The following CHRNE variants were observed in gnomAD, a reference collection of about 807,000 sequenced individuals.
CHRNE encodes the protein acetylcholine receptor subunit epsilon.
Under a neutral mutation model 56.5 loss-of-function variants are expected in CHRNE, and 58 were observed. That is an observed-to-expected ratio of 1.03 (90% confidence interval 0.83 to 1.28). The LOEUF is 1.28. Among genes scored for constraint, CHRNE ranks in the 50% most tolerant of loss-of-function variants. The probability of loss-of-function intolerance (pLI) is 0.00; values close to 1 mark genes in which losing one functional copy is unlikely to be tolerated. For synonymous variants in CHRNE, 385 were observed against 297.9 expected, an observed-to-expected ratio of 1.29 and a Z score of -3.01; for missense variants, 793 against 688.9, an observed-to-expected ratio of 1.15 and a Z score of -1.69.
At chr17:4,903,114 G>A, upstream of CHRNE, 1 of 1,596,030 alleles carries the variant, frequency 6.3e-7, no homozygotes, top group South Asian at 1.1e-5. Context: ...GCTTGGAGGG[G>A]GCATGCCAGG....
chr17:4,899,298 C>A lies in CHRNE; in HGVS notation c.1119G>T (p.Ser373=), dbSNP rs372862723. 1.3e-3 allele frequency: 2,058 copies of A among 1,593,450 alleles called. 48 individuals carry two copies. The South Asian group carries it at 0.022, about 17-fold the overall frequency. ...PRAASPPRRA[S]SVGLLLRAEE... is the part of the protein sequence containing the mutation. ...CCGCGCGGAGCAATAAGCCCACCGA[C>A]GACGCCCGCCTTGGGGGCGAGGCGG... Residue 373 remains serine (S), a synonymous_variant, in exon 10 of 12, where the codon TCG becomes TCT. Transcript: ENST00000649488.
chr17:4,899,469 T>C lies in CHRNE; in HGVS notation c.1031A>G (p.His344Arg), dbSNP rs756571784. The change falls in exon 9 of 12, where the codon CAC becomes CGC. Residue 344 changes from histidine (H) to arginine (R), a missense_variant and splice_region_variant. By Grantham distance (29) the His-to-Arg change is conservative. Transcript: ENST00000649488. ...TTHAMSPRLR[H>R]VLLELLPRLL... Reference sequence around the variant, plus strand: ...CTGCACCGCCCCCTCCGCGCTTACGTGGCGCAGCCGCGGGGACATGGCGTG... The same window carrying C: ...CTGCACCGCCCCCTCCGCGCTTACGCGGCGCAGCCGCGGGGACATGGCGTG... The C allele has an allele frequency of 1.5e-5, 24 of 1,588,586 alleles. No homozygotes were observed. The South Asian group carries it at 2.4e-4, about 16-fold the overall frequency.
intron 9 of CHRNE, 26 bp from the exon 10 acceptor site, chr17:4,899,410 A>G (rs1311303260): frequency 6.5e-7 from 1 of 1,539,512 alleles, no homozygotes; most frequent in Non-Finnish European, 8.7e-7. Flanking sequence ...GGCTTAGGGG[A>G]CGAGGTTAGT....
At chr17:4,907,940 G>T (rs1970111929), upstream of CHRNE, among the ~76,000 whole-genome samples, 1 of 152,110 alleles carries the variant, frequency 6.6e-6, no homozygotes, top group Non-Finnish European at 1.5e-5. Context: ...ACTTTGGGAG[G>T]CCGAGGCGGG....
At chr17:4,903,976 A>C (rs2661696), upstream of CHRNE, among the ~76,000 whole-genome samples, 1 of 152,152 alleles carries the variant, frequency 6.6e-6, no homozygotes, top group South Asian at 2.1e-4. Flanking sequence ...TCCTGCCTCA[A>C]CCTCTGGAGT....
At position 4,898,088 on chromosome 17, in the gene CHRNE, TC is replaced by T. The variant is rs1451371682; in HGVS notation, c.*647del. The T allele has an allele frequency of 1.3e-5, 2 of 150,604 alleles. No individual in the cohort carries two copies. Among genetic ancestry groups the T allele is most frequent in the Admixed American group, 1.3e-4 (2 of 15,636 alleles). 9.3% of individuals were successfully genotyped at this position (150,604 alleles called of 1,614,324 possible). Reference sequence around the variant, plus strand: ...GCAGGCCGCATGTCCTTGCTTTCTGTCAGTACTGTAGACTAGGCAGAGAGAG... The same window carrying T: ...GCAGGCCGCATGTCCTTGCTTTCTGTAGTACTGTAGACTAGGCAGAGAGAG... On this transcript the variant is annotated 3_prime_UTR_variant, in exon 12 of 12. Coordinates refer to ENST00000649488, the MANE Select transcript of CHRNE (RefSeq NM_000080.4).
Position 4,899,491 on chromosome 17 carries a change from C to G in CHRNE, c.1009G>C (p.Ala337Pro). Residue 337 changes from alanine (A) to proline (P), a missense_variant, in exon 9 of 12, where the codon GCC becomes CCC. Coordinates refer to ENST00000649488, the MANE Select transcript of CHRNE (RefSeq NM_000080.4). ...ACGTGGCGCAGCCGCGGGGACATGG[C>G]GTGGGTGGTGGGCGTCCGCTGGGAC... Reference protein sequence around the residue: ...NVSQRTPTTHAMSPRLRHVLL... With the variant: ...NVSQRTPTTHPMSPRLRHVLL... The G allele has an allele frequency of 6.2e-7, 1 of 1,600,836 alleles. No homozygotes were observed. Among genetic ancestry groups the G allele is most frequent in the South Asian group, 1.1e-5 (1 of 88,440 alleles).
upstream of CHRNE, among the ~76,000 whole-genome samples, chr17:4,907,335 G>A (rs879610845): frequency 5.9e-5 from 9 of 151,848 alleles, no homozygotes; most frequent in Non-Finnish European, 1.0e-4. Context: ...AGGCCGAGGC[G>A]GGCGGATCAC....
intron 8 of CHRNE, 71 bp downstream of exon 8, chr17:4,900,722 G>T: frequency 6.6e-7 from 1 of 1,507,564 alleles, no homozygotes; most frequent in South Asian, 1.2e-5. Flanking sequence ...AGCTTTTCCC[G>T]GGGTCTCTGG....
chr17:4,898,719 A>C lies in CHRNE; in HGVS notation c.*17T>G. 6.2e-7 allele frequency: 1 copy of C among 1,606,696 alleles called. No individual in the cohort carries two copies. Among genetic ancestry groups the C allele is most frequent in the Non-Finnish European group, 8.5e-7 (1 of 1,177,094 alleles). On this transcript the variant is annotated 3_prime_UTR_variant, in exon 12 of 12. Transcript: ENST00000649488. ...ATTTCCTACTGGAGATGGGTGGGAA[A>C]TTGAAGTCGGTGCGAGCTAAGGCTG...
chr17:4,899,157 GCA>G, intron 10 of CHRNE, 39 bp downstream of exon 10: 1 of 1,593,014 alleles, frequency 6.3e-7, no homozygotes, highest in Non-Finnish European at 8.5e-7. Flanking sequence ...CCCCTGGCAG[GCA>G]CCCCGCGCGG....
chr17:4,906,451 T>C (rs1970093520), upstream of CHRNE, among the ~76,000 whole-genome samples: 1 of 152,156 alleles, frequency 6.6e-6, no homozygotes, highest in Non-Finnish European at 1.5e-5. Flanking sequence ...CCCAGCAGGA[T>C]TCAAACTTGA....
At chr17:4,899,610 C>G (rs1037699104) in intron 8 of CHRNE, 28 bp from the exon 9 acceptor site, 1 of 1,515,618 alleles carries the variant, frequency 6.6e-7, no homozygotes, top group African/African-American at 1.4e-5. Context: ...CATGACATCA[C>G]CGTTCCTCCT....
intron 8 of CHRNE, 129 bp from the exon 9 acceptor site, chr17:4,899,711 G>T: frequency 6.6e-7 from 1 of 1,515,550 alleles, no homozygotes; most frequent in Non-Finnish European, 9.0e-7. Flanking sequence ...CCCCCTACAC[G>T]ACGACAGACG....
intron 5 of CHRNE, 124 bp downstream of exon 5, chr17:4,901,808 G>T: frequency 7.0e-7 from 1 of 1,430,790 alleles, no homozygotes; most frequent in Non-Finnish European, 9.8e-7. Flanking sequence ...CCCACCCAGT[G>T]CCTACGCCTG....
rs1386033276 is a variant in CHRNE at position 4,899,587 on chromosome 17, G to A, written c.918-5C>T. ...ACCATGACGAAAATAAGGAACCTGA[G>A]GAGCCCGGAAGGCATGACATCACCG... On this transcript the variant is annotated splice_polypyrimidine_tract_variant and splice_region_variant and intron_variant, in intron 8 of 11. Transcript: ENST00000649488. The A allele has an allele frequency of 6.4e-7, 1 of 1,569,654 alleles. No individual in the cohort carries two copies. The highest frequency in any genetic ancestry group is 1.2e-5 in the South Asian group (1 of 85,542).
chr17:4,901,450 G>A (rs1294643620), intron 6 of CHRNE, 75 bp downstream of exon 6: 4 of 1,405,978 alleles, frequency 2.8e-6, no homozygotes, highest in South Asian at 2.3e-5. Context: ...GTTGGTCCGG[G>A]GCAAGCCCAC....
chr17:4,904,575 C>T (rs1487782097), upstream of CHRNE, among the ~76,000 whole-genome samples: 2 of 152,170 alleles, frequency 1.3e-5, no homozygotes, highest in Non-Finnish European at 2.9e-5. Flanking sequence ...TTCCTCACAG[C>T]AGTCCAGCAA....
intron 8 of CHRNE, 103 bp downstream of exon 8, chr17:4,900,690 C>A: frequency 6.8e-7 from 1 of 1,465,426 alleles, no homozygotes; most frequent in Non-Finnish European, 9.3e-7. Flanking sequence ...GAATAAAGCC[C>A]AGGGCGGGGC....
Sources: gnomAD v4.1 joint callset for allele counts (sites outside exome capture counted in the v4.1 genomes callset) on GRCh38, gnomAD v4.1.1 for gene constraint, MANE v1.5 for transcripts, NCBI Gene and HGNC (gene_info 2026-07-23, HGNC 2026-07-21) for gene names.